LRCH2: variants seen among roughly 807,000 people sequenced by gnomAD.
LRCH2 encodes leucine-rich repeat and calponin homology domain-containing protein 2.
Under a neutral mutation model 68.9 loss-of-function variants are expected in LRCH2, and 38 were observed. The observed-to-expected ratio is 0.55, with a 90% CI of 0.43 to 0.72. LRCH2 has a LOEUF of 0.72. LRCH2 is among the 30% of genes least tolerant of loss of function. The pLI is 0.00. For synonymous variants in LRCH2, 191 were observed against 208.1 expected (o/e 0.92, Z 0.71); for missense variants, 528 against 572.9 (o/e 0.92, Z 0.80).
intron 1 of LRCH2, chrX:115,189,726 C>T (rs782627260): frequency 3.4e-6 from 4 of 1,165,740 alleles, no homozygotes; most frequent in African/African-American, 1.8e-5. Context: ...GCCGATGGGT[C>T]CCGCCAACCC....
chrX:115,198,248 C>T (rs113876940), intron 1 of LRCH2, among the ~76,000 whole-genome samples: 128 of 110,677 alleles, frequency 1.2e-3, no homozygotes, highest in African/African-American at 2.0e-3. Context: ...AAATAAGAAA[C>T]GAAACTTTTC....
At chrX:115,190,960 G>C in intron 1 of LRCH2, 1 of 1,164,593 alleles carries the variant, frequency 8.6e-7, no homozygotes, top group Non-Finnish European at 1.1e-6. Flanking sequence ...CTACGGAGTA[G>C]GAGGCCACTA....
intron 14 of LRCH2, among the ~76,000 whole-genome samples, chrX:115,133,864 A>T (rs1404234463): frequency 8.9e-6 from 1 of 111,856 alleles, no homozygotes; most frequent in African/African-American, 3.3e-5. Context: ...TTCAAGTGAA[A>T]AGAAATAGTA....
chrX:115,149,202 T>C (rs1434615181), intron 14 of LRCH2, among the ~76,000 whole-genome samples: 3 of 111,551 alleles, frequency 2.7e-5, no homozygotes, highest in African/African-American at 9.7e-5. Flanking sequence ...TATTCTGAAT[T>C]CTAATGATTG....
chrX:115,120,460 A>T (rs1450077396), intron 20 of LRCH2, among the ~76,000 whole-genome samples: 4 of 83,820 alleles, frequency 4.8e-5, no homozygotes, highest in Non-Finnish European at 9.1e-5. Context: ...GCAAATCAAA[A>T]CCACTATGAG....
At chrX:115,138,325 T>C (rs782376753) in intron 14 of LRCH2, among the ~76,000 whole-genome samples, 3 of 111,630 alleles carry the variant, frequency 2.7e-5, no homozygotes, top group African/African-American at 9.8e-5. Flanking sequence ...TTTGTTACCA[T>C]TAGATCATAC....
At chrX:115,194,603 G>A (rs1297777457) in intron 1 of LRCH2, among the ~76,000 whole-genome samples, 1 of 111,827 alleles carries the variant, frequency 8.9e-6, no homozygotes, top group Non-Finnish European at 1.9e-5. Flanking sequence ...GAGATTAGAC[G>A]ATAGTAACTT....
chrX:115,216,002 C>T (rs976984270), intron 1 of LRCH2, among the ~76,000 whole-genome samples: 32 of 110,292 alleles, frequency 2.9e-4, no homozygotes, highest in African/African-American at 1.0e-3. Context: ...TGATTGAAAC[C>T]TAATAGAGAT....
intron 14 of LRCH2, among the ~76,000 whole-genome samples, chrX:115,130,834 A>C (rs782502947): frequency 1.3e-4 from 15 of 111,408 alleles, no homozygotes; most frequent in Non-Finnish European, 2.4e-4. Context: ...ACCCTACTAC[A>C]TAAGAACCAT....
intron 1 of LRCH2, chrX:115,192,619 A>AG: frequency 8.5e-7 from 1 of 1,170,403 alleles, no homozygotes; most frequent in Non-Finnish European, 1.1e-6. Context: ...CCGCTTCGAG[A>AG]GGGGGGAAGG....
At chrX:115,146,270 C>T (rs782089106) in intron 14 of LRCH2, among the ~76,000 whole-genome samples, 1 of 111,013 alleles carries the variant, frequency 9.0e-6, no homozygotes, top group Non-Finnish European at 1.9e-5. Flanking sequence ...GGATGGTTAC[C>T]AGAGGCTAGA....
chrX:115,216,261 T>C (rs2073041286), intron 1 of LRCH2, among the ~76,000 whole-genome samples: 1 of 111,732 alleles, frequency 8.9e-6, no homozygotes, highest in Non-Finnish European at 1.9e-5. Context: ...TTAAAGACCA[T>C]ACATAAATTT....
At chrX:115,218,660 C>T (rs1157861585) in intron 1 of LRCH2, among the ~76,000 whole-genome samples, 3 of 112,210 alleles carry the variant, frequency 2.7e-5, no homozygotes, top group Non-Finnish European at 5.6e-5. Flanking sequence ...TCTGTTTCAT[C>T]GCTTTCTGCA....
intron 5 of LRCH2, 122 bp from the exon 6 acceptor site, chrX:115,170,554 T>C: frequency 4.4e-6 from 3 of 676,904 alleles, no homozygotes; most frequent in Non-Finnish European, 5.9e-6. Flanking sequence ...ATACTTTGCA[T>C]ATTTAAATAA....
At chrX:115,145,706 C>A (rs1556535839) in intron 14 of LRCH2, among the ~76,000 whole-genome samples, 1 of 111,731 alleles carries the variant, frequency 9.0e-6, no homozygotes, top group Non-Finnish European at 1.9e-5. Flanking sequence ...CATCATTGAT[C>A]ATCAGAGAAA....
chrX:115,130,357 T>C (rs2072233038), intron 14 of LRCH2, among the ~76,000 whole-genome samples, 158 bp from the exon 15 acceptor site: 1 of 111,977 alleles, frequency 8.9e-6, no homozygotes, highest in Non-Finnish European at 1.9e-5. Flanking sequence ...CTACTACTAA[T>C]AACTAACAAA....
At chrX:115,154,013 C>T (rs1402420085) in intron 12 of LRCH2, among the ~76,000 whole-genome samples, 1 of 111,458 alleles carries the variant, frequency 9.0e-6, no homozygotes, top group African/African-American at 3.3e-5. Context: ...ATAAGAAATG[C>T]GCTTTCTCTA....
chrX:115,113,485 T>A, intron 20 of LRCH2, 150 bp from the exon 21 acceptor site: 1 of 434,798 alleles, frequency 2.3e-6, no homozygotes, highest in Non-Finnish European at 3.6e-6. Context: ...TAATCTAAAA[T>A]GTTTTTAGAT....
In LRCH2 at chrX:115,231,581, T is replaced by G. The variant is rs1234312700; in HGVS notation, c.349+2112A>C. Among the ~76,000 whole-genome samples the G allele has an allele frequency of 3.6e-5, 4 of 111,896 alleles. No homozygotes were observed. In the East Asian group the frequency reaches 1.1e-3, roughly 31 times the overall value. ...AAATGTTCCCACAAGAAATGCTCATTCAACTGAAGAGAAAAAGTAAAATGA... is the reference window on the plus strand; with the variant it reads ...AAATGTTCCCACAAGAAATGCTCATGCAACTGAAGAGAAAAAGTAAAATGA... On this transcript the variant is annotated intron_variant, in intron 1 of 20. Coordinates refer to ENST00000317135, the MANE Select transcript of LRCH2 (RefSeq NM_020871.4).
Sources: gnomAD v4.1 joint callset for allele counts (sites outside exome capture counted in the v4.1 genomes callset) on GRCh38, gnomAD v4.1.1 for gene constraint, MANE v1.5 for transcripts, NCBI Gene and HGNC (gene_info 2026-07-23, HGNC 2026-07-21) for gene names.